The following ITIH5 variants were observed in gnomAD, a reference collection of about 807,000 sequenced individuals.
ITIH5 encodes inter-alpha-trypsin inhibitor heavy chain H5.
ITIH5 carries 65 observed loss-of-function variants against 77.5 expected under a neutral mutation model. The ratio of observed to expected loss-of-function variants is 0.84; its 90% CI spans 0.69 to 1.03. The LOEUF (loss-of-function observed/expected upper bound fraction) is 1.03, where lower values mean the gene tolerates loss of function less well. Among genes scored for constraint, ITIH5 ranks in the 50% least tolerant of loss-of-function variants. ITIH5 has a pLI of 0.00. For missense variants in ITIH5, 1,208 were observed against 1,213.1 expected, an observed-to-expected ratio of 1.00 and a Z score of 0.06; for synonymous variants, 525 against 494.3, an observed-to-expected ratio of 1.06 and a Z score of -0.82.
chr10:7,649,176 C>T (rs1031678070), intron 2 of ITIH5, among the ~76,000 whole-genome samples: 2 of 151,980 alleles, frequency 1.3e-5, no homozygotes, highest in Non-Finnish European at 2.9e-5. Context: ...CTTCCCCTTC[C>T]CCTTCCCTTC....
At chr10:7,585,254 GA>G (rs1832648287) in intron 8 of ITIH5, among the ~76,000 whole-genome samples, 1 of 152,174 alleles carries the variant, frequency 6.6e-6, no homozygotes, top group Non-Finnish European at 1.5e-5. Flanking sequence ...TGAGTTGGGA[GA>G]ACTTAACATC....
In ITIH5 at chr10:7,579,787, G is replaced by A. The variant is rs556807373; in HGVS notation, c.1386C>T (p.His462=). 41 of 1,614,018 alleles carry A rather than the reference G, an allele frequency of 2.5e-5. No individual in the cohort carries two copies. The highest frequency in any genetic ancestry group is 1.7e-4 in the Admixed American group (10 of 60,024). The change falls in exon 9 of 14, where the codon CAC becomes CAT. Residue 462 remains histidine (H), a synonymous_variant. Coordinates refer to ENST00000397146, the MANE Select transcript of ITIH5 (RefSeq NM_030569.7). ...LENCGLTRRV[H]EEEDAGSQLI... Reference sequence around the variant, plus strand: ...GCTGCGAGCCTGCGTCCTCCTCCTCGTGCACGCGCCGTGTGAGGCCACAGT... The same window carrying A: ...GCTGCGAGCCTGCGTCCTCCTCCTCATGCACGCGCCGTGTGAGGCCACAGT...
intron 13 of ITIH5, among the ~76,000 whole-genome samples, chr10:7,565,203 C>T (rs11596751): frequency 7.7e-6 from 1 of 129,730 alleles, no homozygotes; most frequent in African/African-American, 2.8e-5. Context: ...TATACACACA[C>T]ATACACACAC....
At chr10:7,658,335 C>A (rs78883083) in intron 1 of ITIH5, among the ~76,000 whole-genome samples, 6,342 of 152,170 alleles carry the variant, frequency 0.042, 250 homozygotes, top group African/African-American at 0.1. Context: ...TTGTAAGTTG[C>A]CATTCTAAGC....
intron 5 of ITIH5, among the ~76,000 whole-genome samples, chr10:7,631,961 A>T (rs1440396720): frequency 1.0e-4 from 14 of 139,492 alleles, no homozygotes; most frequent in South Asian, 2.3e-4. Flanking sequence ...TAATTTTTGT[A>T]TTTTTTTTTT....
At chr10:7,611,934 T>C in intron 7 of ITIH5, among the ~76,000 whole-genome samples, 1 of 145,576 alleles carries the variant, frequency 6.9e-6, no homozygotes, top group Non-Finnish European at 1.5e-5. Flanking sequence ...TTTTTTTACA[T>C]ATTTTGGGGT....
At chr10:7,659,274 G>A (rs1349334331) in intron 1 of ITIH5, among the ~76,000 whole-genome samples, 1 of 151,962 alleles carries the variant, frequency 6.6e-6, no homozygotes, top group East Asian at 1.9e-4. Flanking sequence ...AGCTACTTGG[G>A]AGGCTGAGGC....
rs34310163 is a variant in ITIH5, at chr10:7,579,794, C to T, written c.1379G>A (p.Arg460His). The T allele has an allele frequency of 6.4e-4, 1,026 of 1,614,110 alleles. 5 individuals are homozygous for T. Among genetic ancestry groups the T allele is most frequent in the African/African-American group, 5.6e-3 (420 of 75,054 alleles). Residue 460 changes from arginine (R) to histidine (H), a missense_variant, in exon 9 of 14, where the codon CGC (arginine) becomes CAC (histidine). By Grantham distance (29) the Arg-to-His change is conservative (BLOSUM62 0). Coordinates refer to ENST00000397146, the MANE Select transcript of ITIH5 (RefSeq NM_030569.7). ...LSLENCGLTR[R>H]VHEEEDAGSQ... Reference sequence around the variant, plus strand: ...GCCTGCGTCCTCCTCCTCGTGCACGCGCCGTGTGAGGCCACAGTTCTCCAG... The same window carrying T: ...GCCTGCGTCCTCCTCCTCGTGCACGTGCCGTGTGAGGCCACAGTTCTCCAG...
At chr10:7,565,800 ATATACATATATATG>A (rs1832140360) in intron 13 of ITIH5, among the ~76,000 whole-genome samples, 1 of 149,282 alleles carries the variant, frequency 6.7e-6, no homozygotes, top group African/African-American at 2.4e-5. Flanking sequence ...TATAATACAT[ATATACATATATATG>A]TATAGTATAT....
rs376907919 is a variant in ITIH5, at chr10:7,625,953, T to C, written c.653-8671A>G. Among the ~76,000 whole-genome samples, 42 of 152,290 alleles carry C rather than the reference T, an allele frequency of 2.8e-4. 1 individual carries two copies. The highest frequency in any genetic ancestry group is 8.7e-4 in the African/African-American group (36 of 41,566). On this transcript the variant is annotated intron_variant, in intron 5 of 13. Transcript: ENST00000397146. ...GGAACCTTGCACAGCGCCAGAAACATGTGAGAGTTCACGTCCAGCTTGCGG... is the reference window on the plus strand; with the variant it reads ...GGAACCTTGCACAGCGCCAGAAACACGTGAGAGTTCACGTCCAGCTTGCGG...
At chr10:7,573,290 CT>C in intron 10 of ITIH5, 95 bp from the exon 11 acceptor site, 1 of 975,494 alleles carries the variant, frequency 1.0e-6, no homozygotes, top group Non-Finnish European at 1.6e-6. Flanking sequence ...CAAAACACAG[CT>C]TTTAGGTACG....
intron 7 of ITIH5, among the ~76,000 whole-genome samples, chr10:7,588,643 T>G (rs1035703410): frequency 6.6e-5 from 10 of 152,254 alleles, no homozygotes; most frequent in African/African-American, 2.4e-4. Context: ...GTAATGTTCC[T>G]CCACTTTCCC....
intron 7 of ITIH5, among the ~76,000 whole-genome samples, chr10:7,607,273 T>C (rs1481793725): frequency 6.6e-6 from 1 of 152,234 alleles, no homozygotes; most frequent in Non-Finnish European, 1.5e-5. Context: ...CCCATTTCTT[T>C]GCATATGGCC....
chr10:7,646,715 C>T (rs1834014744), intron 2 of ITIH5, among the ~76,000 whole-genome samples: 1 of 152,198 alleles, frequency 6.6e-6, no homozygotes, highest in African/African-American at 2.4e-5. Context: ...CCTCAATCCC[C>T]TCTATATAGT....
intron 4 of ITIH5, among the ~76,000 whole-genome samples, chr10:7,640,146 T>TAGAAAAA (rs1588420394): frequency 5.7e-5 from 1 of 17,596 alleles, no homozygotes; most frequent in Non-Finnish European, 1.1e-4. Flanking sequence ...AGGGGGTAAC[T>TAGAAAAA]ACAAAAAAAA....
chr10:7,617,586 C>A (rs149248766), intron 5 of ITIH5: 2 of 198,392 alleles, frequency 1.0e-5, no homozygotes, highest in East Asian at 1.1e-4. Context: ...TGTTACCAAC[C>A]TTTTGTATGT....
chr10:7,621,128 G>C (rs1206502158), intron 5 of ITIH5: 1 of 152,196 alleles, frequency 6.6e-6, no homozygotes, highest in African/African-American at 2.4e-5. Flanking sequence ...CTTACACATG[G>C]TCTGTGTGCC....
At chr10:7,635,822 G>A (rs536194444) in intron 5 of ITIH5, among the ~76,000 whole-genome samples, 4 of 152,012 alleles carry the variant, frequency 2.6e-5, no homozygotes, top group South Asian at 2.1e-4. Flanking sequence ...TCCAGGCAAC[G>A]CTCTCTCTCT....
intron 7 of ITIH5, among the ~76,000 whole-genome samples, chr10:7,589,540 T>C (rs1832750532): frequency 1.3e-5 from 2 of 152,102 alleles, no homozygotes; most frequent in Admixed American, 6.5e-5. Context: ...ACCCACCTTC[T>C]CATCCTACTG....
Sources: gnomAD v4.1 joint callset for allele counts (sites outside exome capture counted in the v4.1 genomes callset) on GRCh38, gnomAD v4.1.1 for gene constraint, MANE v1.5 for transcripts, NCBI Gene and HGNC (gene_info 2026-07-23, HGNC 2026-07-21) for gene names.